ITSN1: variants seen among roughly 807,000 people sequenced by gnomAD.
The protein encoded by ITSN1 is intersectin 1.
ITSN1 carries 58 observed loss-of-function variants against 239.8 expected under a neutral mutation model. The observed-to-expected ratio is 0.24, with a 90% CI of 0.20 to 0.30. The LOEUF (loss-of-function observed/expected upper bound fraction) is 0.30, where lower values mean the gene tolerates loss of function less well. ITSN1 is among the 10% of genes least tolerant of loss of function. The probability of loss-of-function intolerance (pLI) is 1.00; values close to 1 mark genes in which losing one functional copy is unlikely to be tolerated. For synonymous variants in ITSN1, 780 were observed against 770.8 expected, an observed-to-expected ratio of 1.01 and a Z score of -0.20; for missense variants, 1,558 against 2,103.3, an observed-to-expected ratio of 0.74 and a Z score of 5.07.
In ITSN1 at chr21:33,781,986, T is replaced by C; in HGVS notation, c.1685-8T>C. 1.3e-6 allele frequency: 2 copies of C among 1,578,206 alleles called. No individual in the cohort carries two copies. The highest frequency in any genetic ancestry group is 1.7e-6 in the Non-Finnish European group (2 of 1,168,336). Reference sequence around the variant, plus strand: ...TTTTCTTATCTTTGCGACGTTTTTCTAAAATAGGAGATTCACTTGTTACAC... The same window carrying C: ...TTTTCTTATCTTTGCGACGTTTTTCCAAAATAGGAGATTCACTTGTTACAC... On this transcript the variant is annotated splice_polypyrimidine_tract_variant and splice_region_variant and intron_variant, in intron 15 of 39. Coordinates refer to ENST00000381318, the MANE Select transcript of ITSN1 (RefSeq NM_003024.3).
chr21:33,724,557 A>C (rs1020674758), intron 4 of ITSN1, among the ~76,000 whole-genome samples: 1 of 152,168 alleles, frequency 6.6e-6, no homozygotes, highest in Non-Finnish European at 1.5e-5. Context: ...AACTTCCTCC[A>C]CTGGATTATG....
intron 20 of ITSN1, among the ~76,000 whole-genome samples, chr21:33,805,858 G>C (rs2072383397): frequency 6.7e-6 from 1 of 149,754 alleles, no homozygotes; most frequent in South Asian, 2.1e-4. Flanking sequence ...ATTTTTAGTA[G>C]AGATGGGGTT....
At chr21:33,820,896 T>C (rs1273679690) in intron 24 of ITSN1, among the ~76,000 whole-genome samples, 1 of 152,166 alleles carries the variant, frequency 6.6e-6, no homozygotes, top group African/African-American at 2.4e-5. Context: ...CAATCAAGGC[T>C]CACTGGAGGG....
At chr21:33,814,101 C>G (rs776261866) in intron 22 of ITSN1, 29 bp downstream of exon 22, 1 of 1,608,346 alleles carries the variant, frequency 6.2e-7, no homozygotes. Context: ...AGTGTGAAGA[C>G]TTAGCATGCT....
chr21:33,735,061 A>G lies in ITSN1; in HGVS notation c.203A>G (p.Asn68Ser), dbSNP rs1569054625. 3 of 1,612,684 alleles carry G rather than the reference A, an allele frequency of 1.9e-6. No individual in the cohort carries two copies. Among genetic ancestry groups the G allele is most frequent in the African/African-American group, 2.7e-5 (2 of 74,830 alleles). The change falls in exon 5 of 40, where the codon AAT (asparagine) becomes AGT (serine). Residue 68 changes from asparagine (N) to serine (S), a missense_variant. Coordinates refer to ENST00000381318, the MANE Select transcript of ITSN1 (RefSeq NM_003024.3). ...GTTTGCAGGGCACTAGCTGACATGA[A>G]TAATGATGGAAGAATGGATCAAGTG... ...LAQIWALADMNNDGRMDQVEF... is the reference protein window; with the variant it reads ...LAQIWALADMSNDGRMDQVEF...
At chr21:33,841,937 CTTTTTTTTTT>C (rs60218190) in intron 29 of ITSN1, among the ~76,000 whole-genome samples, 1 of 132,002 alleles carries the variant, frequency 7.6e-6, no homozygotes, top group East Asian at 2.2e-4. Context: ...CTCTTGGGCA[CTTTTTTTTTT>C]TTTTTTTTGA....
chr21:33,744,416 A>G (rs1255888634), intron 5 of ITSN1, among the ~76,000 whole-genome samples: 2 of 152,170 alleles, frequency 1.3e-5, no homozygotes, highest in East Asian at 3.9e-4. Flanking sequence ...TATTAATATG[A>G]ACTCAGAAGG....
chr21:33,772,931 G>A (rs2069282788), intron 12 of ITSN1, among the ~76,000 whole-genome samples: 1 of 151,384 alleles, frequency 6.6e-6, no homozygotes, highest in Non-Finnish European at 1.5e-5. Flanking sequence ...GGCGGAGAGT[G>A]TAAGGGCTGT....
intron 1 of ITSN1, among the ~76,000 whole-genome samples, chr21:33,692,377 G>A (rs2091588667): frequency 1.3e-5 from 2 of 152,282 alleles, no homozygotes; most frequent in South Asian, 4.1e-4. Context: ...TCTGGACCCT[G>A]CCTGTGATGG....
chr21:33,665,338 T>G (rs2089859267), intron 1 of ITSN1, among the ~76,000 whole-genome samples: 1 of 152,176 alleles, frequency 6.6e-6, no homozygotes, highest in Non-Finnish European at 1.5e-5. Flanking sequence ...TAGGCATTTT[T>G]CCAAAGAAGA....
At chr21:33,864,392 T>C (rs1300369374) in intron 31 of ITSN1, among the ~76,000 whole-genome samples, 1 of 152,146 alleles carries the variant, frequency 6.6e-6, no homozygotes, top group Non-Finnish European at 1.5e-5. Context: ...ATGCTGGTGT[T>C]AAGGGTTCAC....
In ITSN1 at chr21:33,829,207, A is replaced by T. The variant is rs553149287; in HGVS notation, c.3230-417A>T. ...AGAAAAGCTATTGAGTCCTTTAGTCACTTCAAAGTAGCACTTTAGCCATTG... is the reference window on the plus strand; with the variant it reads ...AGAAAAGCTATTGAGTCCTTTAGTCTCTTCAAAGTAGCACTTTAGCCATTG... On this transcript the variant is annotated intron_variant, in intron 26 of 39. Transcript: ENST00000381318. 1.2e-4 allele frequency: 43 copies of T among 358,162 alleles called. No homozygotes were observed. In the East Asian group the frequency reaches 2.7e-3, roughly 23 times the overall value. 22.2% of individuals were successfully genotyped at this position (358,162 alleles called of 1,614,324 possible).
At chr21:33,760,659 C>T (rs887035439) in intron 8 of ITSN1, among the ~76,000 whole-genome samples, 1 of 152,354 alleles carries the variant, frequency 6.6e-6, no homozygotes, top group East Asian at 1.9e-4. Flanking sequence ...CTAGAGCCTA[C>T]AGCTCCTTGG....
intron 4 of ITSN1, 141 bp downstream of exon 4, chr21:33,722,792 C>G: frequency 1.3e-6 from 1 of 798,546 alleles, no homozygotes; most frequent in East Asian, 3.3e-5. Context: ...TACTTCTTAC[C>G]AGAGAGTTAT....
chr21:33,854,913 C>T (rs1979024323), intron 29 of ITSN1, among the ~76,000 whole-genome samples: 1 of 152,168 alleles, frequency 6.6e-6, no homozygotes, highest in Admixed American at 6.5e-5. Flanking sequence ...CCAGCATTCT[C>T]CTGCTGGTCT....
chr21:33,695,329 C>A (rs2091747435), intron 1 of ITSN1, among the ~76,000 whole-genome samples: 6 of 152,250 alleles, frequency 3.9e-5, no homozygotes. Context: ...GGTTTAGATT[C>A]CCAAATAAAA....
intron 1 of ITSN1, among the ~76,000 whole-genome samples, chr21:33,697,872 C>T (rs755670922): frequency 3.9e-5 from 6 of 152,114 alleles, no homozygotes; most frequent in Non-Finnish European, 8.8e-5. Flanking sequence ...TAGGGCTCTA[C>T]AATCTGATTT....
chr21:33,747,624 A>T lies in ITSN1; in HGVS notation c.347-2519A>T, dbSNP rs76826411. On this transcript the variant is annotated intron_variant, in intron 5 of 39. Transcript: ENST00000381318. ...ACTCATCATGGATAGGGGAGCATAG[A>T]TATAAATAACAGCAGACTTGTAATT... Among the ~76,000 whole-genome samples, 94 of 152,344 alleles carry T rather than the reference A, an allele frequency of 6.2e-4. 1 individual carries two copies. The highest frequency in any genetic ancestry group is 2.2e-3 in the African/African-American group (90 of 41,580).
chr21:33,885,116 G>A lies in ITSN1; in HGVS notation c.4752G>A (p.Ala1584=), dbSNP rs199580344. Reference sequence around the variant, plus strand: ...CTGAGAAAAAGAAGCGCGAGAAAGCGTACCTGGGTAATGCATGGCCCCGCG... The same window carrying A: ...CTGAGAAAAAGAAGCGCGAGAAAGCATACCTGGGTAATGCATGGCCCCGCG... ...IETEKKKREK[A]YLVRSQRATG... The change falls in exon 37 of 40, where the codon GCG becomes GCA. Residue 1584 remains alanine, a synonymous_variant. Transcript: ENST00000381318. 26 of 1,613,572 alleles carry A rather than the reference G, an allele frequency of 1.6e-5. No homozygotes were observed. The highest frequency in any genetic ancestry group is 1.2e-4 in the Admixed American group (7 of 59,980).
Sources: gnomAD v4.1 joint callset for allele counts (sites outside exome capture counted in the v4.1 genomes callset) on GRCh38, gnomAD v4.1.1 for gene constraint, MANE v1.5 for transcripts, NCBI Gene and HGNC (gene_info 2026-07-23, HGNC 2026-07-21) for gene names.